SERPINB5: variants seen among roughly 807,000 people sequenced by gnomAD.
The protein encoded by SERPINB5 is serpin family B member 5.
A neutral mutation model predicts 32.2 loss-of-function variants in SERPINB5; 27 were observed. The ratio of observed to expected loss-of-function variants is 0.84; its 90% CI spans 0.62 to 1.16. The LOEUF (loss-of-function observed/expected upper bound fraction) is 1.16. Ranked by LOEUF, SERPINB5 falls within the 50% of genes most tolerant of loss-of-function variation. The pLI is 0.00. For missense variants in SERPINB5, 388 were observed against 436.3 expected (o/e 0.89, Z 0.99); for synonymous variants, 154 against 157.4 (o/e 0.98, Z 0.16).
chr18:63,500,325 A>G (rs1343592195), intron 6 of SERPINB5, among the ~76,000 whole-genome samples: 1 of 151,698 alleles, frequency 6.6e-6, no homozygotes, highest in Non-Finnish European at 1.5e-5. Flanking sequence ...AGCCTCCTGA[A>G]GTGCTAGGAT....
intron 4 of SERPINB5, among the ~76,000 whole-genome samples, chr18:63,491,599 C>T (rs1255646610): frequency 1.3e-5 from 2 of 151,346 alleles, no homozygotes; most frequent in African/African-American, 4.9e-5. Context: ...CTCAGCCTCC[C>T]AAGTAGCTGG....
chr18:63,486,136 A>G (rs1917210368), intron 2 of SERPINB5: 1 of 152,222 alleles, frequency 6.6e-6, no homozygotes, highest in African/African-American at 2.4e-5. Flanking sequence ...TACGTGTTTT[A>G]CATATAAGTA....
At chr18:63,485,344 T>C (rs144003810) in intron 2 of SERPINB5, among the ~76,000 whole-genome samples, 45 of 152,308 alleles carry the variant, frequency 3.0e-4, no homozygotes, top group Non-Finnish European at 4.9e-4. Flanking sequence ...AGGTGAATGT[T>C]CTTCTAATTC....
At chr18:63,492,312 G>T (rs1909358598) in intron 4 of SERPINB5, among the ~76,000 whole-genome samples, 1 of 152,192 alleles carries the variant, frequency 6.6e-6, no homozygotes, top group Admixed American at 6.5e-5. Flanking sequence ...GGAGAGCTGT[G>T]GGGTGAAGGG....
chr18:63,499,333 G>A (rs768863449), intron 6 of SERPINB5, 46 bp downstream of exon 6: 2 of 1,422,032 alleles, frequency 1.4e-6, no homozygotes, highest in Admixed American at 2.4e-5. Flanking sequence ...CCCTGCCTTG[G>A]CAAAGAGTTG....
chr18:63,484,446 A>T lies in SERPINB5; in HGVS notation c.18A>T (p.Leu6=), dbSNP rs1917172965. Residue 6 remains leucine, a synonymous_variant, in exon 2 of 7, where the codon CTA becomes CTT. Coordinates refer to ENST00000382771, the MANE Select transcript of SERPINB5 (RefSeq NM_002639.5). MDALQ[L]ANSAFAVDLF... ...GGCCCGCAATGGATGCCCTGCAACT[A>T]GCAAATTCGGCTTTTGCCGTTGATC... 6.2e-7 allele frequency: 1 copy of T among 1,612,888 alleles called. No individual in the cohort carries two copies. Among genetic ancestry groups the T allele is most frequent in the South Asian group, 1.1e-5 (1 of 90,844 alleles).
intron 2 of SERPINB5, 122 bp from the exon 3 acceptor site, chr18:63,486,824 T>G: frequency 1.0e-6 from 1 of 979,568 alleles, no homozygotes. Flanking sequence ...GAGCCTTACT[T>G]TACGGGAACT....
At chr18:63,481,412 C>G (rs376481493) in intron 1 of SERPINB5, among the ~76,000 whole-genome samples, 5 of 152,334 alleles carry the variant, frequency 3.3e-5, no homozygotes, top group African/African-American at 1.2e-4. Context: ...TTGTTATTGA[C>G]TATGCAAAAT....
At position 63,496,002 on chromosome 18, in the gene SERPINB5, T is replaced by C. The variant is rs144797026; in HGVS notation, c.567+2907T>C. Among the ~76,000 whole-genome samples, 160 of 152,338 alleles carry C rather than the reference T, an allele frequency of 1.1e-3. 1 individual carries two copies. Among genetic ancestry groups the C allele is most frequent in the East Asian group, 1.7e-3 (9 of 5,186 alleles). On this transcript the variant is annotated intron_variant, in intron 5 of 6. Coordinates refer to ENST00000382771, the MANE Select transcript of SERPINB5 (RefSeq NM_002639.5). ...GGGTTAGACTAAATTGGTGAAGTTA[T>C]ATCATTAAAAGTTTAGTATAGTACT...
chr18:63,493,410 A>G (rs1308484903), intron 5 of SERPINB5: 2 of 550,368 alleles, frequency 3.6e-6, no homozygotes, highest in East Asian at 2.9e-5. Flanking sequence ...GCAGAAAAGG[A>G]AAAGACCAAA....
chr18:63,503,231 G>A, intron 6 of SERPINB5, 99 bp from the exon 7 acceptor site: 1 of 1,349,930 alleles, frequency 7.4e-7, no homozygotes. Flanking sequence ...AGACTGCTTT[G>A]AAGCTGGGCT....
chr18:63,502,726 C>T lies in SERPINB5; in HGVS notation c.736-604C>T, dbSNP rs147134132. On this transcript the variant is annotated intron_variant, in intron 6 of 6. Transcript: ENST00000382771. ...AGGCATTTGTTTCTATAAATCTACTCTCTAACTTAAGGTTGGGTGCGGTGG... is the reference window on the plus strand; with the variant it reads ...AGGCATTTGTTTCTATAAATCTACTTTCTAACTTAAGGTTGGGTGCGGTGG... Among the ~76,000 whole-genome samples the T allele has an allele frequency of 2.7e-3, 404 of 152,166 alleles. 4 individuals carry two copies. The highest frequency in any genetic ancestry group is 9.4e-3 in the African/African-American group (390 of 41,518).
intron 3 of SERPINB5, among the ~76,000 whole-genome samples, chr18:63,487,571 C>T (rs1347234210): frequency 1.3e-5 from 2 of 152,168 alleles, no homozygotes; most frequent in Non-Finnish European, 2.9e-5. Flanking sequence ...ACTATGAATT[C>T]ACAATTTTCA....
chr18:63,490,610 C>G (rs959586483), intron 4 of SERPINB5: 2 of 152,122 alleles, frequency 1.3e-5, no homozygotes, highest in African/African-American at 4.8e-5. Context: ...GACTGGCGCC[C>G]CCAGCTACTC....
chr18:63,503,164 G>GT, intron 6 of SERPINB5, among the ~76,000 whole-genome samples, 166 bp from the exon 7 acceptor site: 1 of 152,200 alleles, frequency 6.6e-6, no homozygotes, highest in Non-Finnish European at 1.5e-5. Flanking sequence ...CTGGGTGGCT[G>GT]CTGGGTCTCC....
In SERPINB5 at chr18:63,498,466, G is replaced by C. The variant is rs961100038; in HGVS notation, c.568-654G>C. Among the ~76,000 whole-genome samples the C allele has an allele frequency of 1.3e-5, 2 of 152,090 alleles. No homozygotes were observed. The highest frequency in any genetic ancestry group is 2.9e-5 in the Non-Finnish European group (2 of 68,028). On this transcript the variant is annotated intron_variant, in intron 5 of 6. Coordinates refer to ENST00000382771, the MANE Select transcript of SERPINB5 (RefSeq NM_002639.5). This position sits in a 1 kb window ranked among gnomAD's most constrained non-coding sequence, Gnocchi z 4.2. ...ATTTACTTTCAAGTCAGCTCCACCA[G>C]GAATAGTTTAAAGATCTCATAGGCA... is the stretch of plus-strand genomic sequence containing the variant.
intron 6 of SERPINB5, among the ~76,000 whole-genome samples, chr18:63,500,447 A>T (rs1909548141): frequency 6.6e-6 from 1 of 152,158 alleles, no homozygotes; most frequent in African/African-American, 2.4e-5. Flanking sequence ...AAAATTTTGA[A>T]TTATGCAGAT....
intron 5 of SERPINB5, among the ~76,000 whole-genome samples, chr18:63,495,717 C>T (rs1909433414): frequency 6.6e-6 from 1 of 152,166 alleles, no homozygotes; most frequent in African/African-American, 2.4e-5. Context: ...GCTATTAAAT[C>T]ATAAAGCTGG....
intron 2 of SERPINB5, among the ~76,000 whole-genome samples, chr18:63,485,055 T>C (rs1599387978): frequency 2.0e-5 from 3 of 152,284 alleles, no homozygotes; most frequent in African/African-American, 7.2e-5. Context: ...AGCTCGCTTG[T>C]AGGTAATGCA....
Sources: allele counts gnomAD v4.1 joint callset (sites outside exome capture counted in the v4.1 genomes callset), GRCh38; gene constraint gnomAD v4.1.1; non-coding constraint Gnocchi (gnomAD v3.1); transcripts MANE v1.5; gene names NCBI Gene and HGNC (gene_info 2026-07-23, HGNC 2026-07-21).